COBL: variants seen among roughly 807,000 people sequenced by gnomAD.
The protein encoded by COBL is cordon-bleu WH2 repeat protein.
COBL carries 51 observed loss-of-function variants against 98.8 expected under a neutral mutation model. The ratio of observed to expected loss-of-function variants is 0.52; its 90% CI spans 0.41 to 0.65. COBL has a LOEUF of 0.65. COBL is among the 30% of genes least tolerant of loss of function. The pLI is 0.00. For missense variants in COBL, 1,617 were observed against 1,617.5 expected (o/e 1.00, Z 0.01); for synonymous variants, 634 against 651.7 (o/e 0.97, Z 0.41).
At chr7:51,251,989 A>G (rs1370594417) in intron 1 of COBL, among the ~76,000 whole-genome samples, 7 of 152,230 alleles carry the variant, frequency 4.6e-5, no homozygotes, top group Non-Finnish European at 1.0e-4. Flanking sequence ...CATAAGCTCA[A>G]TACCTTTATC....
At chr7:51,205,652 T>TG (rs1450824284) in intron 2 of COBL, among the ~76,000 whole-genome samples, 4 of 150,732 alleles carry the variant, frequency 2.7e-5, no homozygotes, top group Non-Finnish European at 4.4e-5. Context: ...TTTTTGTTTT[T>TG]TTTTTTTTTA....
At chr7:51,095,428 C>A (rs978594807) in intron 6 of COBL, among the ~76,000 whole-genome samples, 1 of 152,072 alleles carries the variant, frequency 6.6e-6, no homozygotes. Flanking sequence ...CAAACGTCAA[C>A]AAAATACAAA....
chr7:51,242,141 A>G (rs1795845872), intron 1 of COBL, among the ~76,000 whole-genome samples: 1 of 152,164 alleles, frequency 6.6e-6, no homozygotes, highest in Admixed American at 6.5e-5. Flanking sequence ...ACTTTCTGCA[A>G]TCAATCAGAA....
chr7:51,062,567 T>C (rs781486060), intron 7 of COBL, among the ~76,000 whole-genome samples: 2 of 152,200 alleles, frequency 1.3e-5, no homozygotes, highest in African/African-American at 4.8e-5. Flanking sequence ...TAGACCAGTT[T>C]AAGACCAGCC....
chr7:51,131,627 T>C (rs1180094684), intron 6 of COBL, among the ~76,000 whole-genome samples: 1 of 150,982 alleles, frequency 6.6e-6, no homozygotes, highest in Non-Finnish European at 1.5e-5. Flanking sequence ...GGAGTTTCAC[T>C]CTTTCGCCCA....
Position 51,130,093 on chromosome 7 carries a change from T to C in COBL, c.957+6065A>G, listed in dbSNP as rs571654161. On this transcript the variant is annotated intron_variant, in intron 6 of 12. Coordinates refer to ENST00000265136, the MANE Select transcript of COBL (RefSeq NM_015198.5). ...AGGATTCCCTGACAGGTTGATGTGG[T>C]TGATGTGTACAAGAAGAGACACCAT... Among the ~76,000 whole-genome samples, 31 of 152,288 alleles carry C rather than the reference T, an allele frequency of 2.0e-4. No individual in the cohort carries two copies. The South Asian group carries it at 4.6e-3, about 22-fold the overall frequency.
chr7:51,204,716 A>G (rs1189320503), intron 2 of COBL, among the ~76,000 whole-genome samples: 1 of 151,980 alleles, frequency 6.6e-6, no homozygotes, highest in African/African-American at 2.4e-5. Flanking sequence ...ACGCCCAGCT[A>G]ATTTTTGTAT....
At position 51,043,507 on chromosome 7, in the gene COBL, A is replaced by C; in HGVS notation, c.1282T>G (p.Tyr428Asp). 6.2e-7 allele frequency: 1 copy of C among 1,614,086 alleles called. No individual in the cohort carries two copies. Among genetic ancestry groups the C allele is most frequent in the Non-Finnish European group, 8.5e-7 (1 of 1,180,014 alleles). Residue 428 changes from tyrosine to aspartate, a missense_variant, in exon 8 of 13, where the codon TAC (tyrosine) becomes GAC (aspartate). Around this residue, in one of 3 missense-constraint regions of COBL, gnomAD observed 1,304 missense variants for 1,282.0 expected, o/e 1.02. Transcript: ENST00000265136. ...TGGTCTGTGGCCCACTTGTCTTTGT[A>C]TTTCATGCTGTCCTGCTGCGAGTCC... is the stretch of plus-strand genomic sequence containing the variant. ...SLDSQQDSMKYKDKWATDQED... is the reference protein window; with the variant it reads ...SLDSQQDSMKDKDKWATDQED...
chr7:51,039,713 G>A (rs919725760), intron 8 of COBL, among the ~76,000 whole-genome samples: 2 of 152,250 alleles, frequency 1.3e-5, no homozygotes, highest in Non-Finnish European at 2.9e-5. Flanking sequence ...CTCCCAAAGA[G>A]AAGTGCAACA....
At chr7:51,116,586 C>T (rs529895738) in intron 6 of COBL, among the ~76,000 whole-genome samples, 1 of 152,094 alleles carries the variant, frequency 6.6e-6, no homozygotes, top group Non-Finnish European at 1.5e-5. Context: ...AGAAATATAT[C>T]ACATATATTG....
intron 6 of COBL, among the ~76,000 whole-genome samples, chr7:51,126,789 C>G (rs1211000791): frequency 6.6e-6 from 1 of 152,164 alleles, no homozygotes; most frequent in Non-Finnish European, 1.5e-5. Context: ...CCTATTTGCT[C>G]TCCATTCACC....
At chr7:51,152,610 A>G (rs1294554626) in intron 5 of COBL, among the ~76,000 whole-genome samples, 1 of 152,238 alleles carries the variant, frequency 6.6e-6, no homozygotes, top group Non-Finnish European at 1.5e-5. Flanking sequence ...AGTTAAATCC[A>G]CTGCTGTGAG....
chr7:51,167,831 T>C (rs1787477583), intron 5 of COBL, among the ~76,000 whole-genome samples: 2 of 152,078 alleles, frequency 1.3e-5, no homozygotes, highest in South Asian at 4.2e-4. Flanking sequence ...GATAACAGCG[T>C]CTCTTTAATA....
intron 2 of COBL, among the ~76,000 whole-genome samples, chr7:51,209,015 C>A (rs1792120710): frequency 6.7e-6 from 1 of 148,792 alleles, no homozygotes; most frequent in African/African-American, 2.5e-5. Flanking sequence ...GCCAAATCCC[C>A]CTCTGTGAGA....
intron 6 of COBL, among the ~76,000 whole-genome samples, chr7:51,116,021 C>T (rs954276493): frequency 6.6e-6 from 1 of 152,026 alleles, no homozygotes; most frequent in African/African-American, 2.4e-5. Flanking sequence ...CCCATCTAGT[C>T]ACTCCAGTTT....
chr7:51,246,558 G>C (rs1796284348), intron 1 of COBL, among the ~76,000 whole-genome samples: 1 of 152,238 alleles, frequency 6.6e-6, no homozygotes, highest in Non-Finnish European at 1.5e-5. Context: ...GTGAGGTGGA[G>C]AGAGAATCCT....
At chr7:51,141,710 T>G (rs76969049) in intron 5 of COBL, among the ~76,000 whole-genome samples, 8,466 of 151,988 alleles carry the variant, frequency 0.056, 443 homozygotes, top group East Asian at 0.31. Context: ...CCACACTGGC[T>G]TTTCTTCAGA....
chr7:51,069,008 C>T (rs903317915), intron 7 of COBL, among the ~76,000 whole-genome samples: 5 of 152,180 alleles, frequency 3.3e-5, no homozygotes, highest in African/African-American at 1.2e-4. Flanking sequence ...CAAAACGTTG[C>T]CCTCGGCCTG....
At chr7:51,076,725 G>T (rs1793111753) in intron 7 of COBL, among the ~76,000 whole-genome samples, 1 of 152,136 alleles carries the variant, frequency 6.6e-6, no homozygotes, top group Non-Finnish European at 1.5e-5. Flanking sequence ...GGGTTGCTTA[G>T]AACAGGAGAC....
Sources: allele counts gnomAD v4.1 joint callset (sites outside exome capture counted in the v4.1 genomes callset), GRCh38; gene constraint gnomAD v4.1.1; regional missense constraint gnomAD v4.1.1; transcripts MANE v1.5; gene names NCBI Gene and HGNC (gene_info 2026-07-23, HGNC 2026-07-21).